The following PDCL2 variants were observed in gnomAD, a reference collection of about 807,000 sequenced individuals.
PDCL2 encodes phosducin-like protein 2.
Under a neutral mutation model 30.3 loss-of-function variants are expected in PDCL2, and 23 were observed. That is an observed-to-expected ratio of 0.76 (90% CI 0.55 to 1.08). The LOEUF (loss-of-function observed/expected upper bound fraction) is 1.08, where lower values mean the gene tolerates loss of function less well. Ranked by LOEUF, PDCL2 falls within the 50% of genes least tolerant of loss-of-function variation. PDCL2 has a pLI of 0.00. For synonymous variants in PDCL2, 68 were observed against 86.2 expected, an observed-to-expected ratio of 0.79 and a Z score of 1.17; for missense variants, 243 against 282.3, an observed-to-expected ratio of 0.86 and a Z score of 1.00.
Position 55,565,078 on chromosome 4 carries a change from T to C in PDCL2, c.363-2466A>G, listed in dbSNP as rs535381036. Among the ~76,000 whole-genome samples the C allele has an allele frequency of 1.5e-4, 23 of 152,324 alleles. 2 individuals are homozygous for C. The South Asian group carries it at 4.8e-3, about 32-fold the overall frequency. On this transcript the variant is annotated intron_variant, in intron 4 of 5. Coordinates refer to ENST00000295645, the MANE Select transcript of PDCL2 (RefSeq NM_152401.3). The stretch of plus-strand genomic sequence containing the variant: ...GAGAGGAGCCTGAACTCTGCTATGA[T>C]ACACACTTAAACAATTACCAGCCAT...
At chr4:55,587,636 G>A (rs1419411229) in intron 1 of PDCL2, among the ~76,000 whole-genome samples, 1 of 150,860 alleles carries the variant, frequency 6.6e-6, no homozygotes, top group Non-Finnish European at 1.5e-5. Flanking sequence ...TCGGCTCACT[G>A]AGAATTCTTC....
intron 3 of PDCL2, among the ~76,000 whole-genome samples, chr4:55,580,543 G>A (rs933300054): frequency 2.6e-5 from 4 of 151,962 alleles, no homozygotes; most frequent in African/African-American, 9.7e-5. Flanking sequence ...TCTTTTTATT[G>A]GCCTCTTATT....
At chr4:55,580,991 CT>C in intron 2 of PDCL2, 80 bp from the exon 3 acceptor site, 1 of 1,028,448 alleles carries the variant, frequency 9.7e-7, no homozygotes, top group Non-Finnish European at 1.4e-6. Flanking sequence ...AAAAAACCGT[CT>C]TATACAAAGG....
chr4:55,556,982 C>T (rs768791830), intron 5 of PDCL2, among the ~76,000 whole-genome samples: 4 of 152,074 alleles, frequency 2.6e-5, no homozygotes, highest in Admixed American at 6.6e-5. Context: ...TACAGGTGCA[C>T]GCCACCACAC....
intron 4 of PDCL2, among the ~76,000 whole-genome samples, chr4:55,564,974 T>C (rs1732225401): frequency 6.6e-6 from 1 of 152,162 alleles, no homozygotes; most frequent in African/African-American, 2.4e-5. Flanking sequence ...AATTTCAGTT[T>C]ACAGTTTAAA....
intron 4 of PDCL2, 52 bp downstream of exon 4, chr4:55,569,666 A>G: frequency 7.2e-7 from 1 of 1,383,458 alleles, no homozygotes; most frequent in Non-Finnish European, 9.6e-7. Flanking sequence ...AACCAAAAAT[A>G]TGTCTTTTAA....
At chr4:55,576,251 C>T (rs1385682724) in intron 3 of PDCL2, among the ~76,000 whole-genome samples, 1 of 152,048 alleles carries the variant, frequency 6.6e-6, no homozygotes, top group African/African-American at 2.4e-5. Flanking sequence ...CCACCATGCC[C>T]AGCTAAATTT....
Position 55,562,545 on chromosome 4 carries a change from A to C in PDCL2, c.430T>G (p.Phe144Val). ...LLARKFPETK[F>V]VKAIVNSCIQ... The stretch of plus-strand genomic sequence containing the variant: ...CAGCTATTCACGATGGCTTTAACAA[A>C]TTTAGTTTCTGGAAACTTTCTTGCT... Residue 144 changes from phenylalanine (F) to valine (V), a missense_variant, in exon 5 of 6, where the codon TTT becomes GTT. By Grantham distance (50) the Phe-to-Val change is conservative. Coordinates refer to ENST00000295645, the MANE Select transcript of PDCL2 (RefSeq NM_152401.3). 1 of 1,606,144 alleles carries C rather than the reference A, an allele frequency of 6.2e-7. No homozygotes were observed. Among genetic ancestry groups the C allele is most frequent in the Non-Finnish European group, 8.5e-7 (1 of 1,176,552 alleles).
Position 55,582,171 on chromosome 4 carries a change from CTT to C in PDCL2, c.71_72del (p.Glu24GlyfsTer5). ...LRDFGILPPK[E>X]ESKDEIEEMV... ...ATTTCTTCAATTTCATCTTTTGACT[CTT>C]CTTTAGGAGGAAGAATGCCGAAATC... is the stretch of plus-strand genomic sequence containing the variant. On this transcript the variant is annotated frameshift_variant, in exon 2 of 6. Coordinates refer to ENST00000295645, the MANE Select transcript of PDCL2 (RefSeq NM_152401.3). LOFTEE classifies it high-confidence loss of function. 6.2e-7 allele frequency: 1 copy of C among 1,613,150 alleles called. No homozygotes were observed. The highest frequency in any genetic ancestry group is 1.1e-5 in the South Asian group (1 of 90,878).
intron 1 of PDCL2, among the ~76,000 whole-genome samples, chr4:55,582,803 G>A (rs949214683): frequency 4.8e-5 from 6 of 125,136 alleles, no homozygotes; most frequent in Admixed American, 2.1e-4. Flanking sequence ...TCCCCTTCCC[G>A]TGTCCAAGTG....
At chr4:55,568,546 C>T (rs1732329074) in intron 4 of PDCL2, among the ~76,000 whole-genome samples, 1 of 152,088 alleles carries the variant, frequency 6.6e-6, no homozygotes, top group African/African-American at 2.4e-5. Context: ...GTAAGGACGA[C>T]GTATTAGATG....
chr4:55,591,093 G>A (rs146202792), intron 1 of PDCL2, among the ~76,000 whole-genome samples: 3 of 152,180 alleles, frequency 2.0e-5, no homozygotes, highest in East Asian at 1.9e-4. Flanking sequence ...TGCTTGCTAC[G>A]AATCCATTAT....
intron 4 of PDCL2, among the ~76,000 whole-genome samples, chr4:55,564,574 T>C (rs1241568840): frequency 1.3e-5 from 2 of 152,102 alleles, no homozygotes; most frequent in Admixed American, 6.6e-5. Flanking sequence ...TTAAATAGAA[T>C]TGGGGTACAG....
At chr4:55,556,794 T>C in intron 5 of PDCL2, 83 bp from the exon 6 acceptor site, 2 of 1,078,406 alleles carry the variant, frequency 1.9e-6, no homozygotes, top group Middle Eastern at 2.6e-4. Flanking sequence ...AGTTGACTCT[T>C]AGTAATATTA....
intron 3 of PDCL2, among the ~76,000 whole-genome samples, chr4:55,579,785 C>T (rs980460163): frequency 1.3e-5 from 2 of 152,126 alleles, no homozygotes; most frequent in Non-Finnish European, 2.9e-5. Flanking sequence ...CCCACCATAG[C>T]CTCCCAAAGT....
At chr4:55,569,670 C>A in intron 4 of PDCL2, 48 bp downstream of exon 4, 1 of 1,398,776 alleles carries the variant, frequency 7.1e-7, no homozygotes, top group South Asian at 1.6e-5. Flanking sequence ...AAAAATATGT[C>A]TTTTAAAATA....
In PDCL2 at chr4:55,578,906, A is replaced by G. The variant is rs562717012; in HGVS notation, c.218+1915T>C. On this transcript the variant is annotated intron_variant, in intron 3 of 5. Coordinates refer to ENST00000295645, the MANE Select transcript of PDCL2 (RefSeq NM_152401.3). Reference sequence around the variant, plus strand: ...CAATCATTTTAGCATCCATCACTGGATCTTACCCATAGGAAATTACCACTG... The same window carrying G: ...CAATCATTTTAGCATCCATCACTGGGTCTTACCCATAGGAAATTACCACTG... Among the ~76,000 whole-genome samples, 47 of 152,226 alleles carry G rather than the reference A, an allele frequency of 3.1e-4. 1 individual carries two copies. The South Asian group carries it at 9.6e-3, about 31-fold the overall frequency.
At chr4:55,562,383 A>C in intron 5 of PDCL2, 21 bp downstream of exon 5, 1 of 1,374,330 alleles carries the variant, frequency 7.3e-7, no homozygotes, top group Non-Finnish European at 9.6e-7. Flanking sequence ...TCATTTTTAT[A>C]AACAAAATTT....
intron 4 of PDCL2, among the ~76,000 whole-genome samples, chr4:55,567,350 T>C (rs1448238334): frequency 6.6e-6 from 1 of 151,906 alleles, no homozygotes; most frequent in African/African-American, 2.4e-5. Flanking sequence ...CTGGGCGACA[T>C]AACAATACCC....
Sources: allele counts gnomAD v4.1 joint callset (sites outside exome capture counted in the v4.1 genomes callset), GRCh38; gene constraint gnomAD v4.1.1; transcripts MANE v1.5; gene names NCBI Gene and HGNC (gene_info 2026-07-23, HGNC 2026-07-21).